RANBP17: variants seen among roughly 807,000 people sequenced by gnomAD.
RANBP17 encodes the protein ran-binding protein 17.
In RANBP17, 158 loss-of-function variants were observed where a neutral mutation model predicts 141.2. The ratio of observed to expected loss-of-function variants is 1.12; its 90% CI spans 0.98 to 1.28. The LOEUF (loss-of-function observed/expected upper bound fraction) is 1.28, where lower values mean the gene tolerates loss of function less well. Ranked by LOEUF, RANBP17 falls within the 50% of genes most tolerant of loss-of-function variation. The pLI, the probability that RANBP17 is intolerant of heterozygous loss-of-function variation, is 0.00. For synonymous variants in RANBP17, 430 were observed against 450.0 expected (o/e 0.96, Z 0.56); for missense variants, 1,438 against 1,290.7 (o/e 1.11, Z -1.75).
In RANBP17 at chr5:171,069,491, A is replaced by G. The variant is rs146048871; in HGVS notation, c.1711-100639A>G. Among the ~76,000 whole-genome samples, 619 of 152,324 alleles carry G rather than the reference A, an allele frequency of 4.1e-3. 5 individuals are homozygous for G. Among genetic ancestry groups the G allele is most frequent in the African/African-American group, 0.014 (597 of 41,574 alleles). On this transcript the variant is annotated intron_variant, in intron 14 of 27. Transcript: ENST00000523189. ...GGTTTCAGTGGAGGAATTGATTACT[A>G]GAGTTTCTTACCCTGCCATTGTTGT...
chr5:171,009,851 G>T (rs1312914246), intron 14 of RANBP17, among the ~76,000 whole-genome samples: 3 of 152,156 alleles, frequency 2.0e-5, no homozygotes, highest in Admixed American at 6.6e-5. Flanking sequence ...ACTGGAGAGT[G>T]ATCAAAAGTA....
At chr5:171,091,675 T>C (rs987257994) in intron 14 of RANBP17, among the ~76,000 whole-genome samples, 3 of 152,156 alleles carry the variant, frequency 2.0e-5, no homozygotes, top group Non-Finnish European at 4.4e-5. Flanking sequence ...AACTGAATCA[T>C]TGGGCAGATC....
Position 171,033,411 on chromosome 5 carries a change from G to A in RANBP17, c.1710+65034G>A, listed in dbSNP as rs1002632137. On this transcript the variant is annotated intron_variant, in intron 14 of 27. Transcript: ENST00000523189. ...GATGAAAATAGAAAAAATATACTGC[G>A]TCCATATTAAAGAAGAAAATCCTAC... 5.3e-5 allele frequency among the ~76,000 whole-genome samples: 8 copies of A among 152,152 alleles called. No individual in the cohort carries two copies. The East Asian group carries it at 5.8e-4, about 11-fold the overall frequency.
At chr5:171,267,453 A>G (rs1229665736) in intron 25 of RANBP17, among the ~76,000 whole-genome samples, 3 of 152,160 alleles carry the variant, frequency 2.0e-5, no homozygotes, top group Non-Finnish European at 4.4e-5. Context: ...TTGCAAATGT[A>G]AACACATCAA....
intron 14 of RANBP17, among the ~76,000 whole-genome samples, chr5:171,132,228 TC>T (rs1346437738): frequency 6.6e-6 from 1 of 151,908 alleles, no homozygotes; most frequent in Non-Finnish European, 1.5e-5. Flanking sequence ...TCTTTACTCT[TC>T]CAAGCCCTAC....
rs111296922 is a variant in RANBP17, at chr5:171,104,545, A to T, written c.1711-65585A>T. ...GGTTGAGTAACAGTTATACCTCTGA[A>T]CTATTTTCCACAGAACAGAAATGAC... On this transcript the variant is annotated intron_variant, in intron 14 of 27. Coordinates refer to ENST00000523189, the MANE Select transcript of RANBP17 (RefSeq NM_022897.5). Among the ~76,000 whole-genome samples, 537 of 152,302 alleles carry T rather than the reference A, an allele frequency of 3.5e-3. 7 individuals are homozygous for T. The highest frequency in any genetic ancestry group is 2.7e-3 in the Admixed American group (42 of 15,292).
chr5:170,918,798 T>C lies in RANBP17; in HGVS notation c.1040T>C (p.Met347Thr), dbSNP rs140646831. ...KTNYQLGELV[M>T]VKEYPEVIRL... The stretch of plus-strand genomic sequence containing the variant: ...AATTATCAGCTGGGAGAATTAGTTA[T>C]GGTGAAGGAATATCCTGAAGTTATT... The change falls in exon 10 of 28, where the codon ATG becomes ACG. Residue 347 changes from methionine to threonine, a missense_variant. Physicochemically the swap from Met to Thr is moderately conservative, Grantham distance 81. Coordinates refer to ENST00000523189, the MANE Select transcript of RANBP17 (RefSeq NM_022897.5). 113 of 1,606,528 alleles carry C rather than the reference T, an allele frequency of 7.0e-5. 1 individual carries two copies. The highest frequency in any genetic ancestry group is 8.6e-5 in the Non-Finnish European group (101 of 1,175,106).
In RANBP17 at chr5:170,992,505, CA is replaced by C. The variant is rs545578742; in HGVS notation, c.1710+24129del. Among the ~76,000 whole-genome samples the C allele has an allele frequency of 4.1e-3, 620 of 152,056 alleles. 5 individuals are homozygous for C. The highest frequency in any genetic ancestry group is 0.014 in the African/African-American group (598 of 41,516). ...ACTACCTTAAAAAATAAGCATTGCC[CA>C]GTCTACTTAACAGAATTATGAATGC... On this transcript the variant is annotated intron_variant, in intron 14 of 27. Coordinates refer to ENST00000523189, the MANE Select transcript of RANBP17 (RefSeq NM_022897.5).
chr5:171,245,258 G>T (rs931324583), intron 24 of RANBP17, among the ~76,000 whole-genome samples: 8 of 152,014 alleles, frequency 5.3e-5, no homozygotes, highest in African/African-American at 1.7e-4. Context: ...TGTTATTTTT[G>T]AATGTGTGCC....
Position 171,245,899 on chromosome 5 carries a change from G to A in RANBP17, c.2776+3079G>A, listed in dbSNP as rs1332393686. Reference sequence around the variant, plus strand: ...ATACTTTTTTTTTTTTTTTTTTTGAGATGGAGTCTCGCTCCATCGCCCAGG... The same window carrying A: ...ATACTTTTTTTTTTTTTTTTTTTGAAATGGAGTCTCGCTCCATCGCCCAGG... On this transcript the variant is annotated intron_variant, in intron 24 of 27. Transcript: ENST00000523189. 2.3e-5 allele frequency among the ~76,000 whole-genome samples: 3 copies of A among 131,998 alleles called. No individual in the cohort carries two copies. The Admixed American group carries it at 2.4e-4, about 10-fold the overall frequency. The allele number at this position is 131,998 out of a possible 152,430, so 86.6% of individuals were successfully genotyped here. A position where few individuals can be genotyped will look rare whatever the true frequency, so the allele number is the denominator to read the frequency against.
chr5:171,025,017 C>T (rs1175822913), intron 14 of RANBP17, among the ~76,000 whole-genome samples: 2 of 152,270 alleles, frequency 1.3e-5, no homozygotes, highest in Non-Finnish European at 1.5e-5. Context: ...TTCTCTCTTT[C>T]AGTAAATGGC....
intron 14 of RANBP17, among the ~76,000 whole-genome samples, chr5:171,117,424 T>G (rs1204080479): frequency 6.6e-6 from 1 of 152,182 alleles, no homozygotes; most frequent in Non-Finnish European, 1.5e-5. Context: ...GATTAGTGAT[T>G]AAATATGTTT....
At chr5:170,919,165 C>A (rs965373094) in intron 10 of RANBP17, among the ~76,000 whole-genome samples, 1 of 151,598 alleles carries the variant, frequency 6.6e-6, no homozygotes, top group African/African-American at 2.4e-5. Context: ...GATTATAAAA[C>A]CATGTTTTTC....
At chr5:171,206,634 T>C (rs900680670) in intron 20 of RANBP17, 5 of 176,098 alleles carry the variant, frequency 2.8e-5, no homozygotes, top group Non-Finnish European at 4.9e-5. Context: ...TTCCTGTAAA[T>C]TAAATTGCAA....
chr5:171,053,531 G>A (rs946828657), intron 14 of RANBP17, among the ~76,000 whole-genome samples: 1 of 152,048 alleles, frequency 6.6e-6, no homozygotes, highest in Non-Finnish European at 1.5e-5. Flanking sequence ...TTGATTGCTA[G>A]TATATAGGAA....
chr5:171,093,802 A>C (rs1402909184), intron 14 of RANBP17, among the ~76,000 whole-genome samples: 1 of 152,208 alleles, frequency 6.6e-6, no homozygotes. Flanking sequence ...AATGCAGACT[A>C]AATCAAAGCT....
chr5:171,207,180 A>G (rs1157790574), intron 20 of RANBP17: 1 of 156,890 alleles, frequency 6.4e-6, no homozygotes, highest in Non-Finnish European at 1.4e-5. Context: ...CTCAAAATCA[A>G]AATTTTCATT....
intron 14 of RANBP17, among the ~76,000 whole-genome samples, chr5:170,972,651 A>G (rs975175367): frequency 6.6e-5 from 10 of 152,160 alleles, no homozygotes; most frequent in East Asian, 1.9e-4. Context: ...TTTACAAACA[A>G]TACTGCAGTA....
Position 171,299,958 on chromosome 5 carries a change from A to G in RANBP17, c.*1100A>G, listed in dbSNP as rs1199814949. 1 of 194,348 alleles carries G rather than the reference A, an allele frequency of 5.1e-6. No individual in the cohort carries two copies. Among genetic ancestry groups the G allele is most frequent in the East Asian group, 8.1e-5 (1 of 12,318 alleles). The allele number at this position is 194,348 out of a possible 1,614,324, so 12.0% of individuals were successfully genotyped here. A position where few individuals can be genotyped will look rare whatever the true frequency, so the allele number is the denominator to read the frequency against. On this transcript the variant is annotated 3_prime_UTR_variant, in exon 28 of 28. Coordinates refer to ENST00000523189, the MANE Select transcript of RANBP17 (RefSeq NM_022897.5). ...TATCCTTTATTTCTGATAAGACATGAAAGGTTGGCCTTACTGTTGAACAAT... is the reference window on the plus strand; with the variant it reads ...TATCCTTTATTTCTGATAAGACATGGAAGGTTGGCCTTACTGTTGAACAAT...
Sources: allele counts gnomAD v4.1 joint callset (sites outside exome capture counted in the v4.1 genomes callset), GRCh38; gene constraint gnomAD v4.1.1; transcripts MANE v1.5; gene names NCBI Gene and HGNC (gene_info 2026-07-23, HGNC 2026-07-21).